Variants in RERG observed in about 807,000 individuals in gnomAD.
RERG encodes RAS like estrogen regulated growth inhibitor, also known as ras-related and estrogen-regulated growth inhibitor.
A neutral mutation model predicts 23.2 loss-of-function variants in RERG; 25 were observed. The ratio of observed to expected loss-of-function variants is 1.08; its 90% CI spans 0.79 to 1.50. RERG has a LOEUF of 1.50. Among genes scored for constraint, RERG ranks in the 40% most tolerant of loss-of-function variants. The pLI is 0.00. For missense variants in RERG, 253 were observed against 250.1 expected (o/e 1.01, Z -0.08); for synonymous variants, 81 against 89.1 (o/e 0.91, Z 0.51).
intron 2 of RERG, among the ~76,000 whole-genome samples, chr12:15,204,276 A>G (rs1364538870): frequency 1.3e-5 from 2 of 151,704 alleles, no homozygotes; most frequent in Non-Finnish European, 3.0e-5. Flanking sequence ...ACATATGGTC[A>G]ACTGATCTTC....
chr12:15,144,199 G>A (rs918688666), intron 2 of RERG, among the ~76,000 whole-genome samples: 1 of 152,202 alleles, frequency 6.6e-6, no homozygotes, highest in Admixed American at 6.5e-5. Flanking sequence ...AGGTTGGAGG[G>A]TAGGGATTGA....
intron 3 of RERG, among the ~76,000 whole-genome samples, chr12:15,118,125 G>A (rs1047736719): frequency 2.0e-5 from 3 of 152,104 alleles, no homozygotes; most frequent in Non-Finnish European, 4.4e-5. Flanking sequence ...TGGAGCGTAG[G>A]TTTAGTTCCC....
intron 2 of RERG, among the ~76,000 whole-genome samples, chr12:15,134,227 CA>C (rs1328782912): frequency 6.6e-6 from 1 of 152,092 alleles, no homozygotes; most frequent in Non-Finnish European, 1.5e-5. Flanking sequence ...ATAGTTTTAC[CA>C]TTTACATGTA....
At chr12:15,161,143 A>AAAG (rs1864600172) in intron 2 of RERG, among the ~76,000 whole-genome samples, 2 of 57,922 alleles carry the variant, frequency 3.5e-5, no homozygotes. Flanking sequence ...TCAGAAAAAG[A>AAAG]AAGAAAGAAA....
At chr12:15,201,164 G>A (rs1209445027) in intron 2 of RERG, among the ~76,000 whole-genome samples, 1 of 151,918 alleles carries the variant, frequency 6.6e-6, no homozygotes, top group Non-Finnish European at 1.5e-5. Flanking sequence ...CTCAGGTTAA[G>A]TACTTTTCAT....
chr12:15,145,204 CTCTT>C (rs1267948103), intron 2 of RERG, among the ~76,000 whole-genome samples: 3 of 137,308 alleles, frequency 2.2e-5, no homozygotes, highest in Non-Finnish European at 4.7e-5. Flanking sequence ...GAGATAAACA[CTCTT>C]TCTGGACTAG....
At chr12:15,110,455 ATTTTTTTCTTTTTT>A (rs1343773232) in intron 4 of RERG, among the ~76,000 whole-genome samples, 3 of 59,344 alleles carry the variant, frequency 5.1e-5, no homozygotes, top group East Asian at 1.0e-3. Flanking sequence ...TCCAGTGGCC[ATTTTTTTCTTTTTT>A]TTTTTTTTTT....
intron 2 of RERG, among the ~76,000 whole-genome samples, chr12:15,204,779 C>T (rs1423695219): frequency 6.6e-6 from 1 of 151,822 alleles, no homozygotes; most frequent in Non-Finnish European, 1.5e-5. Context: ...CTAAATTGCA[C>T]ATAACACAAG....
chr12:15,192,142 G>A (rs1056478134), intron 2 of RERG, among the ~76,000 whole-genome samples: 2 of 152,122 alleles, frequency 1.3e-5, no homozygotes, highest in African/African-American at 2.4e-5. Context: ...CATCTCCTTG[G>A]TGCTGGCCTC....
chr12:15,211,808 C>G (rs1865369849), intron 2 of RERG, among the ~76,000 whole-genome samples: 1 of 152,068 alleles, frequency 6.6e-6, no homozygotes, highest in Non-Finnish European at 1.5e-5. Flanking sequence ...TATAGTTACT[C>G]TGTCAACTAA....
At chr12:15,147,608 T>C (rs10846151) in intron 2 of RERG, among the ~76,000 whole-genome samples, 104,642 of 152,150 alleles carry the variant, frequency 0.69, 36,171 homozygotes, top group Admixed American at 0.75. Flanking sequence ...TGTTTCAAAA[T>C]GTGACAACTT....
chr12:15,109,793 C>A (rs1031425940), intron 4 of RERG, among the ~76,000 whole-genome samples: 1 of 152,090 alleles, frequency 6.6e-6, no homozygotes, highest in African/African-American at 2.4e-5. Flanking sequence ...AATCTGTAAT[C>A]ATAAAAACTA....
chr12:15,128,030 C>T (rs946213957), intron 2 of RERG, among the ~76,000 whole-genome samples: 5 of 152,094 alleles, frequency 3.3e-5, no homozygotes, highest in African/African-American at 7.2e-5. Context: ...CCTTAAAACC[C>T]GTAATTTTTC....
At chr12:15,115,594 A>T (rs1163298726) in intron 3 of RERG, among the ~76,000 whole-genome samples, 1 of 152,186 alleles carries the variant, frequency 6.6e-6, no homozygotes, top group Non-Finnish European at 1.5e-5. Flanking sequence ...AATTCTTTGT[A>T]CCCAAACTAC....
chr12:15,153,417 A>G (rs1194890837), intron 2 of RERG, among the ~76,000 whole-genome samples: 1 of 152,202 alleles, frequency 6.6e-6, no homozygotes, highest in Non-Finnish European at 1.5e-5. Flanking sequence ...GGCCCTAGAC[A>G]TGCACTTTGC....
chr12:15,200,133 A>G (rs1015098755), intron 2 of RERG, among the ~76,000 whole-genome samples: 1 of 152,116 alleles, frequency 6.6e-6, no homozygotes, highest in Admixed American at 6.6e-5. Context: ...ACTGAAAACT[A>G]TGGCAATGCT....
intron 2 of RERG, among the ~76,000 whole-genome samples, chr12:15,175,716 T>C (rs1359639377): frequency 6.6e-6 from 1 of 152,136 alleles, no homozygotes; most frequent in Non-Finnish European, 1.5e-5. Context: ...TCCTTTAACA[T>C]ATGTTGTGAA....
chr12:15,211,855 T>C (rs1397217550), intron 2 of RERG, among the ~76,000 whole-genome samples: 14 of 152,064 alleles, frequency 9.2e-5, no homozygotes, highest in Admixed American at 9.2e-4. Flanking sequence ...GTGAAAAATA[T>C]ATAGAATCTT....
At chr12:15,170,290 G>A (rs982997384) in intron 2 of RERG, among the ~76,000 whole-genome samples, 1 of 152,008 alleles carries the variant, frequency 6.6e-6, no homozygotes, top group Non-Finnish European at 1.5e-5. Context: ...ATAATTGTAA[G>A]ATATTTACCA....
Sources: allele counts gnomAD v4.1 joint callset (sites outside exome capture counted in the v4.1 genomes callset), GRCh38; gene constraint gnomAD v4.1.1; transcripts MANE v1.5; gene names NCBI Gene and HGNC (gene_info 2026-07-23, HGNC 2026-07-21).